Variants in TPX2 observed in about 807,000 individuals in gnomAD.
TPX2 encodes targeting protein for Xklp2.
Under a neutral mutation model 93.6 loss-of-function variants are expected in TPX2, and 21 were observed. The ratio of observed to expected loss-of-function variants is 0.22; its 90% CI spans 0.16 to 0.32. The LOEUF is 0.32. Ranked by LOEUF, TPX2 falls within the 10% of genes least tolerant of loss-of-function variation. The pLI is 1.00. For missense variants in TPX2, 776 were observed against 871.1 expected (o/e 0.89, Z 1.37); for synonymous variants, 281 against 298.3 (o/e 0.94, Z 0.60).
At chr20:31,766,247 T>A (rs1205751827) in intron 4 of TPX2, among the ~76,000 whole-genome samples, 1 of 152,208 alleles carries the variant, frequency 6.6e-6, no homozygotes, top group Admixed American at 6.6e-5. Flanking sequence ...TTTTTTCTTC[T>A]TTATGGAAGC....
intron 2 of TPX2, among the ~76,000 whole-genome samples, chr20:31,745,500 G>A (rs1226694680): frequency 3.9e-5 from 6 of 152,046 alleles, no homozygotes; most frequent in African/African-American, 1.4e-4. Flanking sequence ...GCTAATTTTT[G>A]TATTTTTATT....
At chr20:31,799,000 G>A (rs1262661777) in intron 17 of TPX2, among the ~76,000 whole-genome samples, 2 of 152,098 alleles carry the variant, frequency 1.3e-5, no homozygotes, top group African/African-American at 2.4e-5. Context: ...TTCCTCTGGG[G>A]TTAAGAAGCA....
intron 16 of TPX2, among the ~76,000 whole-genome samples, chr20:31,798,066 G>T (rs2062148903): frequency 6.6e-6 from 1 of 152,148 alleles, no homozygotes; most frequent in South Asian, 2.1e-4. Context: ...GGGAAAAAAA[G>T]AATATTGGGA....
rs146626095 is a variant in TPX2 at position 31,790,613 on chromosome 20, C to T, written c.1414-2122C>T. 2.9e-3 allele frequency among the ~76,000 whole-genome samples: 445 copies of T among 152,258 alleles called. 2 individuals carry two copies. Among genetic ancestry groups the T allele is most frequent in the African/African-American group, 0.01 (426 of 41,542 alleles). ...AAAGACATTCCAAACATGTTTCGAACGGTTGCAGCATTGTTGGGATTAAGG... is the reference window on the plus strand; with the variant it reads ...AAAGACATTCCAAACATGTTTCGAATGGTTGCAGCATTGTTGGGATTAAGG... On this transcript the variant is annotated intron_variant, in intron 12 of 17. Coordinates refer to ENST00000300403, the MANE Select transcript of TPX2 (RefSeq NM_012112.5).
intron 4 of TPX2, among the ~76,000 whole-genome samples, chr20:31,764,111 C>T (rs542222983): frequency 3.5e-5 from 4 of 115,322 alleles, no homozygotes; most frequent in South Asian, 2.1e-4. Flanking sequence ...ATCTAATATA[C>T]ATGTATGTGT....
At chr20:31,794,187 C>T (rs1600394179) in intron 14 of TPX2, among the ~76,000 whole-genome samples, 163 bp downstream of exon 14, 1 of 152,282 alleles carries the variant, frequency 6.6e-6, no homozygotes, top group Non-Finnish European at 1.5e-5. Context: ...ATCCTTCTGG[C>T]ACAAGGAGGT....
chr20:31,745,786 C>G (rs572828650), intron 2 of TPX2, among the ~76,000 whole-genome samples: 2 of 152,188 alleles, frequency 1.3e-5, no homozygotes, highest in Non-Finnish European at 2.9e-5. Flanking sequence ...CAGCTTCATA[C>G]TATTGGAATA....
intron 4 of TPX2, among the ~76,000 whole-genome samples, chr20:31,764,920 C>G (rs1055882536): frequency 6.6e-6 from 1 of 151,776 alleles, no homozygotes; most frequent in African/African-American, 2.4e-5. Flanking sequence ...TTCCATGAAG[C>G]CTTTACTTGT....
intron 2 of TPX2, among the ~76,000 whole-genome samples, chr20:31,753,113 C>T (rs984446864): frequency 6.6e-6 from 1 of 152,090 alleles, no homozygotes; most frequent in Non-Finnish European, 1.5e-5. Context: ...ACCAAAGAAC[C>T]CCTATTCCAG....
intron 12 of TPX2, among the ~76,000 whole-genome samples, chr20:31,791,989 T>C (rs1003672282): frequency 6.6e-6 from 1 of 152,246 alleles, no homozygotes; most frequent in African/African-American, 2.4e-5. Flanking sequence ...TTTTAAATTA[T>C]GTGCACAATA....
chr20:31,793,922 A>G lies in TPX2; in HGVS notation c.1584A>G (p.Pro528=), dbSNP rs986267357. Residue 528 remains proline, a synonymous_variant, in exon 14 of 18, where the codon CCA becomes CCG. Coordinates refer to ENST00000300403, the MANE Select transcript of TPX2 (RefSeq NM_012112.5). Reference sequence around the variant, plus strand: ...GGGTGCCTTTTAAGCCCCAAATCCCAGAGGCAAGAACTGTGGAAATATGCC... The same window carrying G: ...GGGTGCCTTTTAAGCCCCAAATCCCGGAGGCAAGAACTGTGGAAATATGCC... The part of the protein sequence containing the change: ...HYGVPFKPQI[P]EARTVEICPF... 1.2e-6 allele frequency: 2 copies of G among 1,613,972 alleles called. No individual in the cohort carries two copies. The highest frequency in any genetic ancestry group is 1.7e-6 in the Non-Finnish European group (2 of 1,179,910).
At position 31,783,884 on chromosome 20, in the gene TPX2, C is replaced by T. The variant is rs61752050; in HGVS notation, c.1376C>T (p.Ser459Phe). Reference protein sequence around the residue: ...KTEDEHFEFHSRPCPTKILED... With the variant: ...KTEDEHFEFHFRPCPTKILED... Reference sequence around the variant, plus strand: ...GAGGATGAACACTTTGAATTTCATTCCAGACCTTGCCCTACTAAGATTTTG... The same window carrying T: ...GAGGATGAACACTTTGAATTTCATTTCAGACCTTGCCCTACTAAGATTTTG... Residue 459 changes from serine to phenylalanine, a missense_variant, in exon 12 of 18, where the codon TCC becomes TTC. Coordinates refer to ENST00000300403, the MANE Select transcript of TPX2 (RefSeq NM_012112.5). 2 of 1,611,218 alleles carry T rather than the reference C, an allele frequency of 1.2e-6. No individual in the cohort carries two copies. The highest frequency in any genetic ancestry group is 1.7e-6 in the Non-Finnish European group (2 of 1,179,474).
intron 7 of TPX2, 137 bp downstream of exon 7, chr20:31,771,819 G>A: frequency 1.2e-6 from 1 of 866,706 alleles, no homozygotes; most frequent in Non-Finnish European, 1.7e-6. Context: ...TGTTACATGT[G>A]TCCTGATGGG....
intron 16 of TPX2, among the ~76,000 whole-genome samples, 185 bp downstream of exon 16, chr20:31,797,700 G>A (rs1316106826): frequency 6.6e-6 from 1 of 152,154 alleles, no homozygotes; most frequent in East Asian, 1.9e-4. Context: ...ATGTTGAGTT[G>A]CAGGATGTGT....
At chr20:31,770,138 AT>A in intron 5 of TPX2, among the ~76,000 whole-genome samples, 1 of 152,148 alleles carries the variant, frequency 6.6e-6, no homozygotes, top group Non-Finnish European at 1.5e-5. Context: ...GGTCACATTT[AT>A]AGACACCGGT....
chr20:31,795,618 GT>G (rs2062133951), intron 15 of TPX2, among the ~76,000 whole-genome samples: 2 of 152,240 alleles, frequency 1.3e-5, no homozygotes, highest in African/African-American at 4.8e-5. Context: ...GGAGTTGGGA[GT>G]TTCTTTAAGA....
At chr20:31,791,408 C>T (rs1160253079) in intron 12 of TPX2, among the ~76,000 whole-genome samples, 3 of 152,242 alleles carry the variant, frequency 2.0e-5, no homozygotes, top group Middle Eastern at 3.4e-3. Flanking sequence ...CTCAGCCTCC[C>T]GAGTAGCTGG....
chr20:31,743,325 T>C (rs2061764335), intron 2 of TPX2, among the ~76,000 whole-genome samples: 1 of 152,190 alleles, frequency 6.6e-6, no homozygotes, highest in East Asian at 1.9e-4. Flanking sequence ...TTACTTATAA[T>C]ACTTAATACA....
intron 7 of TPX2, among the ~76,000 whole-genome samples, chr20:31,774,959 G>GT (rs2061986858): frequency 6.6e-6 from 1 of 152,010 alleles, no homozygotes; most frequent in Non-Finnish European, 1.5e-5. Context: ...TTTTGTTGTT[G>GT]TTGCTGTTGT....
Sources: gnomAD v4.1 joint callset for allele counts (sites outside exome capture counted in the v4.1 genomes callset) on GRCh38, gnomAD v4.1.1 for gene constraint, MANE v1.5 for transcripts, NCBI Gene and HGNC (gene_info 2026-07-23, HGNC 2026-07-21) for gene names.